The following KATNIP variants were observed in gnomAD, a reference collection of about 807,000 sequenced individuals.
KATNIP encodes katanin-interacting protein.
KATNIP carries 126 observed loss-of-function variants against 174.0 expected under a neutral mutation model. That is an observed-to-expected ratio of 0.72 (90% CI 0.63 to 0.84). The LOEUF (loss-of-function observed/expected upper bound fraction) is 0.84, where lower values mean the gene tolerates loss of function less well. Among genes scored for constraint, KATNIP ranks in the 40% least tolerant of loss-of-function variants. The pLI is 0.00. For missense variants in KATNIP, 1,958 were observed against 2,109.7 expected, an observed-to-expected ratio of 0.93 and a Z score of 1.41; for synonymous variants, 810 against 835.7, an observed-to-expected ratio of 0.97 and a Z score of 0.53.
intron 5 of KATNIP, among the ~76,000 whole-genome samples, chr16:27,634,070 C>A (rs997976069): frequency 1.3e-5 from 2 of 152,124 alleles, no homozygotes; most frequent in African/African-American, 4.8e-5. Context: ...GTTTTGAGAG[C>A]CTTCTATTAT....
intron 13 of KATNIP, among the ~76,000 whole-genome samples, chr16:27,713,782 T>TATGTG (rs1325017737): frequency 1.1e-4 from 5 of 46,280 alleles, no homozygotes; most frequent in African/African-American, 3.8e-4. Flanking sequence ...TATACACATA[T>TATGTG]TATATATGTG....
chr16:27,639,242 C>T (rs910248877), intron 5 of KATNIP, among the ~76,000 whole-genome samples: 6 of 152,198 alleles, frequency 3.9e-5, no homozygotes, highest in Admixed American at 3.9e-4. Context: ...CCCTCAGATT[C>T]CTGGGGGTTT....
chr16:27,749,297 C>A (rs925155173), intron 15 of KATNIP, among the ~76,000 whole-genome samples: 1 of 152,244 alleles, frequency 6.6e-6, no homozygotes, highest in African/African-American at 2.4e-5. Context: ...ATTTTACCGA[C>A]CTGAATGGCC....
At chr16:27,676,233 A>G (rs1331082591) in intron 6 of KATNIP, among the ~76,000 whole-genome samples, 2 of 152,196 alleles carry the variant, frequency 1.3e-5, no homozygotes, top group East Asian at 3.9e-4. Flanking sequence ...CATGTCTTAC[A>G]TATTCTGCTT....
chr16:27,717,036 G>T (rs1421363553), intron 13 of KATNIP, among the ~76,000 whole-genome samples: 6 of 151,994 alleles, frequency 3.9e-5, no homozygotes, highest in Non-Finnish European at 8.8e-5. Flanking sequence ...TAGAGACAGG[G>T]TTTCACTATG....
chr16:27,684,479 T>C (rs1174402912), intron 8 of KATNIP, among the ~76,000 whole-genome samples: 1 of 152,234 alleles, frequency 6.6e-6, no homozygotes, highest in Non-Finnish European at 1.5e-5. Context: ...GTTATACTTT[T>C]TTCTCATGCT....
At chr16:27,634,259 T>C (rs1223157173) in intron 5 of KATNIP, among the ~76,000 whole-genome samples, 1 of 152,182 alleles carries the variant, frequency 6.6e-6, no homozygotes, top group African/African-American at 2.4e-5. Context: ...AGGGCTGTAA[T>C]TGTCCTTCTA....
rs1253878188 is a variant in KATNIP, at chr16:27,601,835, G to C, written c.64-16590G>C. On this transcript the variant is annotated intron_variant, in intron 2 of 27. Transcript: ENST00000261588. ...GGGGCCGGCAGCAGCCCTGGGGTGT[G>C]GGGGAATGATCATCTACTCAGACAG... Among the ~76,000 whole-genome samples, 5 of 152,332 alleles carry C rather than the reference G, an allele frequency of 3.3e-5. No homozygotes were observed. The East Asian group carries it at 7.7e-4, about 24-fold the overall frequency.
In KATNIP at chr16:27,616,509, T is replaced by C. The variant is rs577959768; in HGVS notation, c.64-1916T>C. ...GGGAGGCCAAGGCAGGCAGATTACA[T>C]GAGGCCAGGAGTTAAGAGACCAGCC... is the stretch of plus-strand genomic sequence containing the variant. On this transcript the variant is annotated intron_variant, in intron 2 of 27. Coordinates refer to ENST00000261588, the MANE Select transcript of KATNIP (RefSeq NM_015202.5). Among the ~76,000 whole-genome samples the C allele has an allele frequency of 2.0e-3, 305 of 152,144 alleles. 1 individual carries two copies. Among genetic ancestry groups the C allele is most frequent in the Non-Finnish European group, 3.2e-3 (215 of 67,994 alleles).
At chr16:27,702,070 A>G (rs903534253) in intron 11 of KATNIP, among the ~76,000 whole-genome samples, 1 of 152,168 alleles carries the variant, frequency 6.6e-6, no homozygotes, top group Non-Finnish European at 1.5e-5. Flanking sequence ...GTAAGCCACT[A>G]CACCTGACCC....
At chr16:27,710,524 A>G in intron 13 of KATNIP, among the ~76,000 whole-genome samples, 1 of 152,124 alleles carries the variant, frequency 6.6e-6, no homozygotes, top group East Asian at 1.9e-4. Context: ...CTTCATTCAC[A>G]ATTATCTCCT....
At chr16:27,717,814 C>G (rs2080026138) in intron 13 of KATNIP, among the ~76,000 whole-genome samples, 1 of 152,114 alleles carries the variant, frequency 6.6e-6, no homozygotes. Context: ...AGAAGCCCCC[C>G]AGGAGCAGCA....
intron 11 of KATNIP, among the ~76,000 whole-genome samples, chr16:27,701,984 GT>G (rs2079118625): frequency 6.6e-6 from 1 of 152,046 alleles, no homozygotes; most frequent in African/African-American, 2.4e-5. Flanking sequence ...TGTAGAGGGG[GT>G]CTCACAACGT....
At chr16:27,679,769 A>T (rs2078260637) in intron 7 of KATNIP, among the ~76,000 whole-genome samples, 1 of 150,894 alleles carries the variant, frequency 6.6e-6, no homozygotes. Context: ...AAAAAAAAAA[A>T]AGTTTGAAGA....
Position 27,740,200 on chromosome 16 carries a change from G to C in KATNIP, c.1903G>C (p.Ala635Pro). 1 of 1,614,186 alleles carries C rather than the reference G, an allele frequency of 6.2e-7. No individual in the cohort carries two copies. The highest frequency in any genetic ancestry group is 8.5e-7 in the Non-Finnish European group (1 of 1,180,038). ...KSEQLEEAMN[A>P]HSEESKGTHE... is the part of the protein sequence containing the mutation. ...CGAGCAACTAGAGGAGGCCATGAAC[G>C]CTCACTCGGAAGAAAGCAAAGGCAC... Residue 635 changes from alanine to proline, a missense_variant, in exon 15 of 28, where the codon GCT (alanine) becomes CCT (proline). Coordinates refer to ENST00000261588, the MANE Select transcript of KATNIP (RefSeq NM_015202.5).
At chr16:27,761,197 C>T (rs897415257) in intron 18 of KATNIP, among the ~76,000 whole-genome samples, 2 of 152,178 alleles carry the variant, frequency 1.3e-5, no homozygotes, top group Admixed American at 6.5e-5. Flanking sequence ...GTTTAACCCT[C>T]GCCCATGCAG....
chr16:27,663,150 TTC>T (rs2077575660), intron 6 of KATNIP, among the ~76,000 whole-genome samples: 1 of 142,232 alleles, frequency 7.0e-6, no homozygotes, highest in African/African-American at 2.6e-5. Flanking sequence ...TCTTTTCTTC[TTC>T]TTTTTTTTTT....
chr16:27,705,865 A>G (rs1393833681), intron 12 of KATNIP, among the ~76,000 whole-genome samples: 1 of 151,880 alleles, frequency 6.6e-6, no homozygotes, highest in African/African-American at 2.4e-5. Context: ...TTTTGTAGAG[A>G]TGAATCCTTG....
chr16:27,771,258 C>T (rs775883098), intron 21 of KATNIP, among the ~76,000 whole-genome samples: 1 of 152,216 alleles, frequency 6.6e-6, no homozygotes, highest in South Asian at 2.1e-4. Flanking sequence ...AGCAAGTGAC[C>T]TCACTTCTCC....
Sources: allele counts gnomAD v4.1 joint callset (sites outside exome capture counted in the v4.1 genomes callset), GRCh38; gene constraint gnomAD v4.1.1; transcripts MANE v1.5; gene names NCBI Gene and HGNC (gene_info 2026-07-23, HGNC 2026-07-21).